Variants in HNRNPUL1 observed in about 807,000 individuals in gnomAD.
The protein encoded by HNRNPUL1 is heterogeneous nuclear ribonucleoprotein U-like protein 1.
HNRNPUL1 carries 14 observed loss-of-function variants against 108.5 expected under a neutral mutation model. The ratio of observed to expected loss-of-function variants is 0.13; its 90% CI spans 0.09 to 0.20. The LOEUF (loss-of-function observed/expected upper bound fraction) is 0.20. HNRNPUL1 is among the 10% of genes least tolerant of loss of function. The pLI, the probability that HNRNPUL1 is intolerant of heterozygous loss-of-function variation, is 1.00. For missense variants in HNRNPUL1, 804 were observed against 1,168.3 expected (o/e 0.69, Z 4.55); for synonymous variants, 422 against 445.2 (o/e 0.95, Z 0.66).
chr19:41,286,082 A>G (rs983734799), intron 7 of HNRNPUL1, among the ~76,000 whole-genome samples: 2 of 147,186 alleles, frequency 1.4e-5, no homozygotes, highest in Admixed American at 6.8e-5. Context: ...CTGAGGTGAG[A>G]AAAAAAAAAA....
chr19:41,276,911 A>G (rs1300219811), intron 5 of HNRNPUL1: 1 of 152,222 alleles, frequency 6.6e-6, no homozygotes, highest in African/African-American at 2.4e-5. Flanking sequence ...CAAACTGGCC[A>G]AGATGGTGAA....
chr19:41,294,093 G>A lies in HNRNPUL1; in HGVS notation c.1267-245G>A, dbSNP rs569346568. Among the ~76,000 whole-genome samples, 91 of 152,116 alleles carry A rather than the reference G, an allele frequency of 6.0e-4. No individual in the cohort carries two copies. The highest frequency in any genetic ancestry group is 2.0e-3 in the African/African-American group (83 of 41,518). On this transcript the variant is annotated intron_variant, in intron 8 of 14. Transcript: ENST00000392006. This position sits in a 1 kb window ranked among gnomAD's most constrained non-coding sequence, Gnocchi z 4.3. ...CCCCGAAAGTCCTGGGATTATAGGC[G>A]TGAGCTACCGTGCCTGGCCAGCACT...
At chr19:41,304,595 G>T (rs1436819677) in intron 13 of HNRNPUL1, among the ~76,000 whole-genome samples, 1 of 152,180 alleles carries the variant, frequency 6.6e-6, no homozygotes, top group African/African-American at 2.4e-5. Context: ...AAATCCCCAA[G>T]AAAGCACTTG....
At chr19:41,272,754 G>A (rs993205630) in intron 3 of HNRNPUL1, among the ~76,000 whole-genome samples, 2 of 152,212 alleles carry the variant, frequency 1.3e-5, no homozygotes, top group East Asian at 3.8e-4. Context: ...CAACCTCTGA[G>A]GTGAGTAGTC....
At chr19:41,287,700 C>G (rs1180347754) in intron 7 of HNRNPUL1, among the ~76,000 whole-genome samples, 2 of 151,996 alleles carry the variant, frequency 1.3e-5, no homozygotes, top group African/African-American at 4.8e-5. Context: ...GCTGGGACTA[C>G]AGGTACGCGC....
chr19:41,282,311 T>C (rs2035943162), intron 7 of HNRNPUL1, among the ~76,000 whole-genome samples: 1 of 152,080 alleles, frequency 6.6e-6, no homozygotes, highest in Non-Finnish European at 1.5e-5. Flanking sequence ...GCCCCCTGAG[T>C]AGCTGGGATT....
intron 7 of HNRNPUL1, among the ~76,000 whole-genome samples, chr19:41,290,776 G>C (rs946872142): frequency 1.3e-5 from 2 of 152,162 alleles, no homozygotes; most frequent in African/African-American, 4.8e-5. Flanking sequence ...GGGATCATAG[G>C]CTAGGCGTAG....
chr19:41,306,010 C>T, intron 14 of HNRNPUL1, 143 bp downstream of exon 14: 1 of 634,426 alleles, frequency 1.6e-6, no homozygotes, highest in Non-Finnish European at 2.8e-6. Context: ...TGCAGCCATT[C>T]CATTTGGTCA....
intron 2 of HNRNPUL1, among the ~76,000 whole-genome samples, chr19:41,269,531 A>T (rs1308495488): frequency 6.6e-6 from 1 of 151,324 alleles, no homozygotes; most frequent in Non-Finnish European, 1.5e-5. Flanking sequence ...GTTAGAACAC[A>T]GTGGCTCATG....
intron 1 of HNRNPUL1, among the ~76,000 whole-genome samples, chr19:41,267,919 G>A (rs920352706): frequency 6.6e-6 from 1 of 152,160 alleles, no homozygotes; most frequent in East Asian, 1.9e-4. Flanking sequence ...AGGCTTATCT[G>A]TTATTTTCCA....
chr19:41,306,523 G>A lies in HNRNPUL1; in HGVS notation c.2529G>A (p.Gly843=). 6.2e-7 allele frequency: 1 copy of A among 1,606,424 alleles called. No homozygotes were observed. The highest frequency in any genetic ancestry group is 8.5e-7 in the Non-Finnish European group (1 of 1,176,732). Residue 843 remains glycine, a synonymous_variant, in exon 15 of 15, where the codon GGG becomes GGA. Coordinates refer to ENST00000392006, the MANE Select transcript of HNRNPUL1 (RefSeq NM_007040.6). ...CATACTACGGGAACTACGACTACGGGAGCTACTCCGGGAACACACAGGGTG... is the reference window on the plus strand; with the variant it reads ...CATACTACGGGAACTACGACTACGGAAGCTACTCCGGGAACACACAGGGTG... ...WPPYYGNYDY[G]SYSGNTQGGT...
chr19:41,298,358 G>GCAGAA (rs2037006867), intron 10 of HNRNPUL1: 1 of 152,232 alleles, frequency 6.6e-6, no homozygotes, highest in African/African-American at 2.4e-5. Flanking sequence ...ACTGGGAGAA[G>GCAGAA]CAGAAGCTAG....
At chr19:41,282,467 C>T (rs1395408021) in intron 7 of HNRNPUL1, among the ~76,000 whole-genome samples, 1 of 152,130 alleles carries the variant, frequency 6.6e-6, no homozygotes, top group Admixed American at 6.5e-5. Flanking sequence ...CAGGTGTGAA[C>T]CACCACGCCT....
chr19:41,268,392 A>G (rs370462932), intron 2 of HNRNPUL1, 47 bp downstream of exon 2: 28 of 1,595,560 alleles, frequency 1.8e-5, no homozygotes, highest in Non-Finnish European at 2.2e-5. Flanking sequence ...AACAATCTAC[A>G]TGGAGCCTTT....
At chr19:41,286,852 G>A (rs1005379509) in intron 7 of HNRNPUL1, among the ~76,000 whole-genome samples, 1 of 151,460 alleles carries the variant, frequency 6.6e-6, no homozygotes, top group African/African-American at 2.4e-5. Flanking sequence ...CAAGTAGCTG[G>A]GATTAAGGCG....
At chr19:41,263,637 G>A (rs563242161), upstream of HNRNPUL1, among the ~76,000 whole-genome samples, 2 of 152,304 alleles carry the variant, frequency 1.3e-5, no homozygotes, top group East Asian at 1.9e-4. Context: ...AGGCAACTGG[G>A]TTCCTTCCAG....
At chr19:41,281,759 A>AG (rs1031909693) in intron 7 of HNRNPUL1, among the ~76,000 whole-genome samples, 3 of 152,150 alleles carry the variant, frequency 2.0e-5, no homozygotes, top group Admixed American at 6.6e-5. Context: ...AAAACAGAAC[A>AG]GCTGTTGCTG....
At chr19:41,287,487 T>C (rs2036303527) in intron 7 of HNRNPUL1, among the ~76,000 whole-genome samples, 1 of 152,198 alleles carries the variant, frequency 6.6e-6, no homozygotes, top group African/African-American at 2.4e-5. Context: ...TGCATTCTCT[T>C]GCCATGTGTC....
In HNRNPUL1 at chr19:41,265,194, C is replaced by T. The variant is rs3786554; in HGVS notation, c.295+396C>T. The T allele has an allele frequency of 9.8e-5, 145 of 1,475,118 alleles. No individual in the cohort carries two copies. In the East Asian group the frequency reaches 3.3e-3, roughly 33 times the overall value. The allele number at this position is 1,475,118 out of a possible 1,614,324, so 91.4% of individuals were successfully genotyped here. ...TACGGAGCTCCGTGGGCTTGGCGGTCGTGCTAGCCCAGCGTGTGGGCTGGG... is the reference window on the plus strand; with the variant it reads ...TACGGAGCTCCGTGGGCTTGGCGGTTGTGCTAGCCCAGCGTGTGGGCTGGG... On this transcript the variant is annotated intron_variant, in intron 1 of 14. Transcript: ENST00000392006.
Sources: allele counts gnomAD v4.1 joint callset (sites outside exome capture counted in the v4.1 genomes callset), GRCh38; gene constraint gnomAD v4.1.1; non-coding constraint Gnocchi (gnomAD v3.1); transcripts MANE v1.5; gene names NCBI Gene and HGNC (gene_info 2026-07-23, HGNC 2026-07-21).